IMMT: variants seen among roughly 807,000 people sequenced by gnomAD.
IMMT encodes MICOS complex subunit MIC60.
A neutral mutation model predicts 92.7 loss-of-function variants in IMMT; 40 were observed. The ratio of observed to expected loss-of-function variants is 0.43; its 90% CI spans 0.34 to 0.56. IMMT has a LOEUF of 0.56. IMMT is among the 20% of genes least tolerant of loss of function. IMMT has a pLI of 0.03. For missense variants in IMMT, 831 were observed against 912.1 expected, an observed-to-expected ratio of 0.91 and a Z score of 1.14; for synonymous variants, 322 against 336.1, an observed-to-expected ratio of 0.96 and a Z score of 0.46.
chr2:86,169,295 AG>A (rs1676931738), intron 6 of IMMT, among the ~76,000 whole-genome samples: 2 of 152,250 alleles, frequency 1.3e-5, no homozygotes. Context: ...AGAAAAAAGA[AG>A]TAGGAAAAAT....
At chr2:86,179,976 C>T (rs1428110601) in intron 2 of IMMT, among the ~76,000 whole-genome samples, 1 of 151,910 alleles carries the variant, frequency 6.6e-6, no homozygotes, top group Non-Finnish European at 1.5e-5. Flanking sequence ...ACTCAAGAGG[C>T]CGAGGTAGGA....
At chr2:86,152,223 C>G (rs1374633563) in intron 11 of IMMT, among the ~76,000 whole-genome samples, 8 of 151,970 alleles carry the variant, frequency 5.3e-5, no homozygotes, top group African/African-American at 1.7e-4. Flanking sequence ...GGCAGATCAC[C>G]TGAGGTCAGG....
intron 6 of IMMT, among the ~76,000 whole-genome samples, chr2:86,167,761 C>T (rs1198248643): frequency 1.3e-5 from 2 of 152,136 alleles, no homozygotes; most frequent in Admixed American, 6.5e-5. Flanking sequence ...GGATTACAGG[C>T]GTGAGCCACC....
At chr2:86,161,492 T>C (rs867414262) in intron 8 of IMMT, among the ~76,000 whole-genome samples, 2 of 150,552 alleles carry the variant, frequency 1.3e-5, no homozygotes, top group South Asian at 2.1e-4. Flanking sequence ...TTCTCTCTTT[T>C]TACACCTTTG....
intron 1 of IMMT, 93 bp downstream of exon 1, chr2:86,195,245 C>A: frequency 7.4e-7 from 1 of 1,358,008 alleles, no homozygotes; most frequent in Non-Finnish European, 9.8e-7. Context: ...TCGCCTTTGT[C>A]CTGGAGGCTA....
chr2:86,160,533 TA>T (rs1052122663), intron 8 of IMMT, among the ~76,000 whole-genome samples: 5 of 152,200 alleles, frequency 3.3e-5, no homozygotes, highest in Admixed American at 1.3e-4. Context: ...CATAATGCCT[TA>T]AATCTCCTAA....
chr2:86,181,496 T>C lies in IMMT; in HGVS notation c.46-124A>G, dbSNP rs925310703. ...TCATTAAACAAAAAATTACTTTTTT[T>C]CAGAAGTCAATTTATCATGAACCAT... On this transcript the variant is annotated intron_variant, in intron 1 of 14. Transcript: ENST00000410111. The C allele has an allele frequency of 3.1e-5, 21 of 678,348 alleles. No individual in the cohort carries two copies. In the African/African-American group the frequency reaches 3.3e-4, roughly 11 times the overall value. The allele number at this position is 678,348 out of a possible 1,614,324, so 42.0% of individuals were successfully genotyped here. A position where few individuals can be genotyped will look rare whatever the true frequency, so the allele number is the denominator to read the frequency against.
At chr2:86,148,121 A>G (rs1406349320) in intron 12 of IMMT, among the ~76,000 whole-genome samples, 2 of 152,184 alleles carry the variant, frequency 1.3e-5, no homozygotes, top group Non-Finnish European at 2.9e-5. Flanking sequence ...TCTCATATAA[A>G]ACACTGCCAT....
chr2:86,159,851 C>A, intron 8 of IMMT, 180 bp from the exon 9 acceptor site: 1 of 404,434 alleles, frequency 2.5e-6, no homozygotes, highest in Non-Finnish European at 4.3e-6. Context: ...CCCAGGAGTT[C>A]AAGACCAGCC....
At chr2:86,153,915 T>G (rs1482541138) in intron 10 of IMMT, among the ~76,000 whole-genome samples, 2 of 152,194 alleles carry the variant, frequency 1.3e-5, no homozygotes, top group Non-Finnish European at 2.9e-5. Flanking sequence ...TAGCCTGGAG[T>G]GCAGTGGTAC....
At chr2:86,191,599 A>T (rs566159994) in intron 1 of IMMT, among the ~76,000 whole-genome samples, 1 of 152,120 alleles carries the variant, frequency 6.6e-6, no homozygotes, top group East Asian at 1.9e-4. Context: ...CTGTGTGAGT[A>T]GAGTCCTTAC....
At chr2:86,178,679 C>T (rs1159196110) in intron 3 of IMMT, among the ~76,000 whole-genome samples, 1 of 152,064 alleles carries the variant, frequency 6.6e-6, no homozygotes, top group Admixed American at 6.6e-5. Flanking sequence ...GCACTGCATA[C>T]AGACAAAACA....
intron 14 of IMMT, among the ~76,000 whole-genome samples, chr2:86,145,512 A>G (rs1466624484): frequency 2.6e-5 from 4 of 151,104 alleles, no homozygotes; most frequent in East Asian, 3.9e-4. Context: ...AAAAAAAAAA[A>G]AAAAAAGAAA....
rs1381448415 is a variant in IMMT at position 86,144,650 on chromosome 2, C to G, written c.1895G>C (p.Arg632Thr). The change falls in exon 15 of 15, where the codon AGA becomes ACA. Residue 632 changes from arginine (R) to threonine (T), a missense_variant. Transcript: ENST00000410111. ...TTTTTGAACAGCATAGAAACGGGCTCTAAGGGTCTCTTCACTGTACACCCC... is the reference window on the plus strand; with the variant it reads ...TTTTTGAACAGCATAGAAACGGGCTGTAAGGGTCTCTTCACTGTACACCCC... ...TRGVYSEETL[R>T]ARFYAVQKLA... 6.2e-7 allele frequency: 1 copy of G among 1,613,932 alleles called. No homozygotes were observed. The highest frequency in any genetic ancestry group is 1.7e-5 in the Admixed American group (1 of 60,020).
intron 1 of IMMT, among the ~76,000 whole-genome samples, chr2:86,189,238 G>T (rs1382272076): frequency 6.6e-6 from 1 of 151,538 alleles, no homozygotes; most frequent in Non-Finnish European, 1.5e-5. Flanking sequence ...CCCATGTAAT[G>T]TTCTTTTTTT....
At chr2:86,168,051 A>T (rs1159889293) in intron 6 of IMMT, among the ~76,000 whole-genome samples, 1 of 152,176 alleles carries the variant, frequency 6.6e-6, no homozygotes, top group Non-Finnish European at 1.5e-5. Flanking sequence ...GACAAGATAC[A>T]AGAAAACAGA....
intron 1 of IMMT, among the ~76,000 whole-genome samples, chr2:86,188,685 CA>C (rs1448525995): frequency 6.6e-6 from 1 of 152,214 alleles, no homozygotes; most frequent in Non-Finnish European, 1.5e-5. Context: ...CTCAGCTTCC[CA>C]AAGTGCTGGG....
chr2:86,171,348 A>G lies in IMMT; in HGVS notation c.422-3T>C. ...AATTTGAGCCGCTTCTGTAGGTGCT[A>G]TAAATATATGTTACTCATGGTATTT... On this transcript the variant is annotated splice_polypyrimidine_tract_variant and splice_region_variant and intron_variant, in intron 4 of 14. Transcript: ENST00000410111. 1.2e-6 allele frequency: 2 copies of G among 1,609,128 alleles called. No homozygotes were observed. The highest frequency in any genetic ancestry group is 4.5e-5 in the East Asian group (2 of 44,842).
chr2:86,156,790 A>G (rs754842061), intron 10 of IMMT, among the ~76,000 whole-genome samples: 2 of 152,110 alleles, frequency 1.3e-5, no homozygotes, highest in Non-Finnish European at 2.9e-5. Context: ...TGCCCTGTCA[A>G]CCTAATTTCA....
Sources: allele counts gnomAD v4.1 joint callset (sites outside exome capture counted in the v4.1 genomes callset), GRCh38; gene constraint gnomAD v4.1.1; transcripts MANE v1.5; gene names NCBI Gene and HGNC (gene_info 2026-07-23, HGNC 2026-07-21).